The following AGBL1 variants were observed in gnomAD, a reference collection of about 807,000 sequenced individuals.
AGBL1 encodes cytosolic carboxypeptidase 4.
In AGBL1, 130 loss-of-function variants were observed where a neutral mutation model predicts 118.9. That is an observed-to-expected ratio of 1.09 (90% CI 0.95 to 1.26). The LOEUF (loss-of-function observed/expected upper bound fraction) is 1.26, where lower values mean the gene tolerates loss of function less well. Ranked by LOEUF, AGBL1 falls within the 50% of genes most tolerant of loss-of-function variation. The pLI is 0.00. For missense variants in AGBL1, 1,584 were observed against 1,298.1 expected, an observed-to-expected ratio of 1.22 and a Z score of -3.38; for synonymous variants, 555 against 478.9, an observed-to-expected ratio of 1.16 and a Z score of -2.08.
intron 22 of AGBL1, among the ~76,000 whole-genome samples, chr15:86,800,790 A>G (rs2078638661): frequency 6.6e-6 from 1 of 152,142 alleles, no homozygotes; most frequent in Admixed American, 6.6e-5. Flanking sequence ...TGAAGAAAAG[A>G]AGGTCACTTA....
intron 19 of AGBL1, among the ~76,000 whole-genome samples, chr15:86,532,197 T>G (rs1461464118): frequency 6.7e-6 from 1 of 149,740 alleles, no homozygotes; most frequent in African/African-American, 2.5e-5. Context: ...ACATGATTGT[T>G]TATCTAGAAA....
At chr15:86,415,038 T>C (rs761417511) in intron 18 of AGBL1, among the ~76,000 whole-genome samples, 2 of 152,138 alleles carry the variant, frequency 1.3e-5, no homozygotes, top group Non-Finnish European at 2.9e-5. Context: ...GGATTGGGCA[T>C]AGAGTACAGT....
At chr15:86,426,213 A>T (rs2142031855) in intron 18 of AGBL1, among the ~76,000 whole-genome samples, 1 of 152,324 alleles carries the variant, frequency 6.6e-6, no homozygotes, top group Non-Finnish European at 1.5e-5. Flanking sequence ...TTTGAAGTTA[A>T]TGTAAAAGCC....
intron 23 of AGBL1, among the ~76,000 whole-genome samples, chr15:86,935,761 C>A (rs914252947): frequency 6.6e-6 from 1 of 152,166 alleles, no homozygotes; most frequent in African/African-American, 2.4e-5. Context: ...GCAAAGAGAG[C>A]CGCACTGAGG....
chr15:86,334,028 C>T (rs1382983774), intron 17 of AGBL1, among the ~76,000 whole-genome samples: 1 of 152,112 alleles, frequency 6.6e-6, no homozygotes, highest in Non-Finnish European at 1.5e-5. Flanking sequence ...AGGAACATAT[C>T]TCAAAATAGT....
chr15:86,092,955 G>A (rs1344786243), intron 1 of AGBL1, among the ~76,000 whole-genome samples: 4 of 152,168 alleles, frequency 2.6e-5, no homozygotes, highest in Non-Finnish European at 5.9e-5. Flanking sequence ...TTGGGGATTA[G>A]GTTTCTAACA....
At chr15:86,092,652 T>C (rs186970192) in intron 1 of AGBL1, among the ~76,000 whole-genome samples, 111 of 152,162 alleles carry the variant, frequency 7.3e-4, no homozygotes, top group African/African-American at 2.5e-3. Context: ...CAATTTAAAA[T>C]GAACGGAAAT....
At position 86,330,896 on chromosome 15, in the gene AGBL1, A is replaced by T. The variant is rs558779547; in HGVS notation, c.2374+35488A>T. Among the ~76,000 whole-genome samples, 542 of 152,328 alleles carry T rather than the reference A, an allele frequency of 3.6e-3. 7 individuals carry two copies. The highest frequency in any genetic ancestry group is 0.012 in the African/African-American group (513 of 41,582). On this transcript the variant is annotated intron_variant, in intron 17 of 22. Coordinates refer to ENST00000614907, the MANE Select transcript of AGBL1 (RefSeq NM_001386094.1). ...AGCTTGAAGATTAGCCTTTCAAACTAACCCAGTCAGACAAAAATAAAGAAA... is the reference window on the plus strand; with the variant it reads ...AGCTTGAAGATTAGCCTTTCAAACTTACCCAGTCAGACAAAAATAAAGAAA...
intron 19 of AGBL1, among the ~76,000 whole-genome samples, chr15:86,543,950 T>C (rs2083540972): frequency 6.6e-6 from 1 of 152,204 alleles, no homozygotes; most frequent in Admixed American, 6.5e-5. Flanking sequence ...ACACAGGATA[T>C]AGAAACTATA....
chr15:86,962,375 A>C (rs999616155), intron 23 of AGBL1, among the ~76,000 whole-genome samples: 2 of 152,064 alleles, frequency 1.3e-5, no homozygotes, highest in African/African-American at 4.8e-5. Context: ...ATTTTTTATT[A>C]TCATTCACAA....
intron 5 of AGBL1, among the ~76,000 whole-genome samples, chr15:86,191,557 C>A (rs2141829361): frequency 6.6e-6 from 1 of 151,748 alleles, no homozygotes; most frequent in East Asian, 1.9e-4. Context: ...TTATAAGAAG[C>A]CAGGGATGAT....
chr15:86,770,838 A>C (rs1195508951), intron 22 of AGBL1, among the ~76,000 whole-genome samples: 1 of 152,006 alleles, frequency 6.6e-6, no homozygotes, highest in Non-Finnish European at 1.5e-5. Flanking sequence ...ATAACAACCT[A>C]CCTTGTTCAG....
rs117370824 is a variant in AGBL1, at chr15:86,256,659, A to G, written c.736-194A>G. On this transcript the variant is annotated intron_variant, in intron 7 of 22. Transcript: ENST00000614907. ...AAGTGCAGATTCTACATTAGACAAAATTCTATGTTGGAATGTTCAAATTTG... is the reference window on the plus strand; with the variant it reads ...AAGTGCAGATTCTACATTAGACAAAGTTCTATGTTGGAATGTTCAAATTTG... Among the ~76,000 whole-genome samples, 757 of 152,366 alleles carry G rather than the reference A, an allele frequency of 5.0e-3. 6 individuals carry two copies. Among genetic ancestry groups the G allele is most frequent in the Admixed American group, 0.011 (164 of 15,310 alleles).
chr15:86,196,879 G>GCGCGCGCGCGCACACACACA (rs756313941), intron 5 of AGBL1, among the ~76,000 whole-genome samples: 6 of 116,960 alleles, frequency 5.1e-5, no homozygotes, highest in African/African-American at 2.2e-4. Context: ...GCGCGCGCGC[G>GCGCGCGCGCGCACACACACA]CACACACACA....
chr15:86,797,306 A>G (rs532472741), intron 22 of AGBL1, among the ~76,000 whole-genome samples: 33 of 152,322 alleles, frequency 2.2e-4, no homozygotes, highest in African/African-American at 7.5e-4. Context: ...TTCCAGCATG[A>G]CAGATTCCTC....
At chr15:86,759,396 A>G (rs923555684) in intron 22 of AGBL1, among the ~76,000 whole-genome samples, 1 of 152,108 alleles carries the variant, frequency 6.6e-6, no homozygotes, top group Non-Finnish European at 1.5e-5. Context: ...GTATAATAGA[A>G]GTAATAACGG....
At chr15:86,283,833 G>A (rs142806221) in intron 16 of AGBL1, among the ~76,000 whole-genome samples, 47 of 152,208 alleles carry the variant, frequency 3.1e-4, no homozygotes, top group Admixed American at 4.6e-4. Flanking sequence ...TGACAACAAG[G>A]ACATCTGAAT....
intron 18 of AGBL1, among the ~76,000 whole-genome samples, chr15:86,432,027 G>T (rs1415113799): frequency 6.6e-6 from 1 of 151,046 alleles, no homozygotes; most frequent in Non-Finnish European, 1.5e-5. Context: ...CTTCTGCTAA[G>T]GTGGGGCCCT....
At position 86,534,762 on chromosome 15, in the gene AGBL1, T is replaced by C. The variant is rs1055728551; in HGVS notation, c.2686-11240T>C. Among the ~76,000 whole-genome samples the C allele has an allele frequency of 3.3e-5, 5 of 152,192 alleles. No homozygotes were observed. The East Asian group carries it at 9.6e-4, about 29-fold the overall frequency. ...GTGGGTGAATCTCATAAACATTATA[T>C]TGAGTGAAAGAAGCTAGACACTAAA... On this transcript the variant is annotated intron_variant, in intron 19 of 22. Transcript: ENST00000614907.
Sources: gnomAD v4.1 joint callset for allele counts (sites outside exome capture counted in the v4.1 genomes callset) on GRCh38, gnomAD v4.1.1 for gene constraint, MANE v1.5 for transcripts, NCBI Gene and HGNC (gene_info 2026-07-23, HGNC 2026-07-21) for gene names.